FNIP1: variants seen among roughly 807,000 people sequenced by gnomAD.
FNIP1 encodes the protein folliculin-interacting protein 1.
In FNIP1, 40 loss-of-function variants were observed where a neutral mutation model predicts 124.5. The ratio of observed to expected loss-of-function variants is 0.32; its 90% CI spans 0.25 to 0.42. FNIP1 has a LOEUF of 0.42. Among genes scored for constraint, FNIP1 ranks in the 10% least tolerant of loss-of-function variants. FNIP1 has a pLI of 1.00. For synonymous variants in FNIP1, 472 were observed against 470.6 expected, an observed-to-expected ratio of 1.00 and a Z score of -0.04; for missense variants, 1,176 against 1,403.7, an observed-to-expected ratio of 0.84 and a Z score of 2.59.
At chr5:131,690,697 G>A (rs564722575) in intron 11 of FNIP1, among the ~76,000 whole-genome samples, 3 of 152,234 alleles carry the variant, frequency 2.0e-5, no homozygotes, top group South Asian at 2.1e-4. Flanking sequence ...ATAGCAGTAC[G>A]AAAATGGACT....
chr5:131,738,853 G>A (rs1770410452), intron 2 of FNIP1, among the ~76,000 whole-genome samples: 1 of 140,848 alleles, frequency 7.1e-6, no homozygotes. Context: ...GTCTTGCTTT[G>A]TCACTTAGGG....
chr5:131,778,456 A>G (rs1272348161), intron 1 of FNIP1, among the ~76,000 whole-genome samples: 2 of 150,856 alleles, frequency 1.3e-5, no homozygotes, highest in African/African-American at 2.4e-5. Context: ...ATATCATCTC[A>G]CACCAGTTAG....
chr5:131,667,441 C>T (rs899764794), intron 15 of FNIP1, among the ~76,000 whole-genome samples: 2 of 152,132 alleles, frequency 1.3e-5, no homozygotes, highest in African/African-American at 4.8e-5. Flanking sequence ...AATAAAACAC[C>T]AAACTTTACA....
chr5:131,734,814 G>T (rs1001737654), intron 2 of FNIP1, among the ~76,000 whole-genome samples: 4 of 152,118 alleles, frequency 2.6e-5, no homozygotes, highest in African/African-American at 9.7e-5. Context: ...AAACAACAAG[G>T]GCTGGAGAGG....
intron 14 of FNIP1, among the ~76,000 whole-genome samples, chr5:131,671,113 T>G (rs933219390): frequency 2.0e-5 from 3 of 152,194 alleles, no homozygotes; most frequent in African/African-American, 7.2e-5. Flanking sequence ...TGACCCAAAG[T>G]ATACATTCTC....
chr5:131,744,742 A>C, intron 1 of FNIP1, 52 bp from the exon 2 acceptor site: 15 of 1,449,032 alleles, frequency 1.0e-5, no homozygotes, highest in African/African-American at 1.4e-5. Flanking sequence ...ACATTAATAA[A>C]TATTCCATAT....
chr5:131,748,709 GA>G (rs1189333248), intron 1 of FNIP1, among the ~76,000 whole-genome samples: 5,863 of 96,940 alleles, frequency 0.06, 181 homozygotes, highest in Non-Finnish European at 0.088. Flanking sequence ...AAAAAAAAAA[GA>G]AAAAAAAAAA....
At chr5:131,722,333 G>T (rs1769694977) in intron 3 of FNIP1, among the ~76,000 whole-genome samples, 1 of 152,190 alleles carries the variant, frequency 6.6e-6, no homozygotes, top group Admixed American at 6.5e-5. Context: ...ATGTATGTCA[G>T]CAACGCAACC....
chr5:131,763,979 G>C (rs1364219478), intron 1 of FNIP1, among the ~76,000 whole-genome samples: 1 of 152,058 alleles, frequency 6.6e-6, no homozygotes, highest in East Asian at 1.9e-4. Flanking sequence ...CTGGATGATG[G>C]GGATGAGTTT....
chr5:131,686,513 A>G (rs1315152206), intron 11 of FNIP1, among the ~76,000 whole-genome samples: 1 of 152,182 alleles, frequency 6.6e-6, no homozygotes, highest in Non-Finnish European at 1.5e-5. Flanking sequence ...GAGCCTGGCT[A>G]CTTCGAAAAT....
At chr5:131,712,527 G>C (rs1455955632) in intron 6 of FNIP1, among the ~76,000 whole-genome samples, 1 of 152,144 alleles carries the variant, frequency 6.6e-6, no homozygotes, top group Admixed American at 6.6e-5. Context: ...ACTGAATACA[G>C]ACGCAGATAT....
Position 131,698,952 on chromosome 5 carries a change from T to C in FNIP1, c.1167A>G (p.Ala389=), listed in dbSNP as rs1189865634. 14 of 1,611,730 alleles carry C rather than the reference T, an allele frequency of 8.7e-6. No individual in the cohort carries two copies. The highest frequency in any genetic ancestry group is 1.1e-5 in the Non-Finnish European group (13 of 1,179,276). Residue 389 remains alanine, a synonymous_variant, in exon 11 of 18, where the codon GCA becomes GCG. Coordinates refer to ENST00000510461, the MANE Select transcript of FNIP1 (RefSeq NM_133372.3). Reference sequence around the variant, plus strand: ...TTAGGGCATCAACTATTCGATTATATGCCAAACTTCTCTGACTGGCATCAG... The same window carrying C: ...TTAGGGCATCAACTATTCGATTATACGCCAAACTTCTCTGACTGGCATCAG... ...RSADASQRSL[A]YNRIVDALNE...
At chr5:131,694,630 T>C (rs1462273934) in intron 11 of FNIP1, among the ~76,000 whole-genome samples, 1 of 152,180 alleles carries the variant, frequency 6.6e-6, no homozygotes, top group Non-Finnish European at 1.5e-5. Flanking sequence ...AGGGGATTTT[T>C]AGGGCGGTGA....
At chr5:131,767,076 C>T (rs138979242) in intron 1 of FNIP1, among the ~76,000 whole-genome samples, 103 of 152,248 alleles carry the variant, frequency 6.8e-4, no homozygotes, top group African/African-American at 2.2e-3. Flanking sequence ...TTAACCACTA[C>T]GGCTTATATC....
In FNIP1 at chr5:131,796,873, C is replaced by T. The variant is rs972864369; in HGVS notation, c.49G>A (p.Gly17Ser). The T allele has an allele frequency of 5.6e-6, 9 of 1,608,316 alleles. No homozygotes were observed. In the African/African-American group the frequency reaches 1.2e-4, roughly 21 times the overall value. ...QKLFSKRTGL[G>S]APGRDARDPD... ...TCCCGGGCGTCGCGGCCGGGCGCGCCCAGCCCGGTCCTCTTGCTGAAGAGC... is the reference window on the plus strand; with the variant it reads ...TCCCGGGCGTCGCGGCCGGGCGCGCTCAGCCCGGTCCTCTTGCTGAAGAGC... Residue 17 changes from glycine (G) to serine (S), a missense_variant, in exon 1 of 18, where the codon GGC (glycine) becomes AGC (serine). Transcript: ENST00000510461.
intron 1 of FNIP1, among the ~76,000 whole-genome samples, chr5:131,773,273 T>C (rs948078974): frequency 6.6e-6 from 1 of 152,180 alleles, no homozygotes; most frequent in Non-Finnish European, 1.5e-5. Context: ...ATTATAAAAA[T>C]GTAAAGATAA....
At chr5:131,789,159 G>A (rs145558090) in intron 1 of FNIP1, among the ~76,000 whole-genome samples, 1 of 152,218 alleles carries the variant, frequency 6.6e-6, no homozygotes, top group East Asian at 1.9e-4. Context: ...GTGAAATTAG[G>A]CACAGAAAGA....
intron 1 of FNIP1, chr5:131,796,273 A>G (rs941679041): frequency 5.2e-5 from 8 of 153,242 alleles, no homozygotes; most frequent in African/African-American, 1.9e-4. Flanking sequence ...GTTACTGCAC[A>G]CCTCCAATTT....
chr5:131,770,163 T>C (rs187290315), intron 1 of FNIP1, among the ~76,000 whole-genome samples: 184 of 152,336 alleles, frequency 1.2e-3, no homozygotes, highest in African/African-American at 4.2e-3. Context: ...CAAGCTTGTA[T>C]TCTACCCAGC....
Sources: gnomAD v4.1 joint callset for allele counts (sites outside exome capture counted in the v4.1 genomes callset) on GRCh38, gnomAD v4.1.1 for gene constraint, MANE v1.5 for transcripts, NCBI Gene and HGNC (gene_info 2026-07-23, HGNC 2026-07-21) for gene names.